The following AP3S2 variants were observed in gnomAD, a reference collection of about 807,000 sequenced individuals.
AP3S2 encodes the protein AP-3 complex subunit sigma-2.
A neutral mutation model predicts 23.4 loss-of-function variants in AP3S2; 22 were observed. The observed-to-expected ratio is 0.94, with a 90% confidence interval of 0.67 to 1.34. The LOEUF (loss-of-function observed/expected upper bound fraction) is 1.34. Ranked by LOEUF, AP3S2 falls within the 40% of genes most tolerant of loss-of-function variation. The pLI is 0.00. For synonymous variants in AP3S2, 86 were observed against 87.1 expected (o/e 0.99, Z 0.07); for missense variants, 241 against 236.9 (o/e 1.02, Z -0.11).
At chr15:89,862,350 C>T (rs1896025522) in intron 4 of AP3S2, among the ~76,000 whole-genome samples, 1 of 152,086 alleles carries the variant, frequency 6.6e-6, no homozygotes, top group Admixed American at 6.5e-5. Context: ...AATTTCCCAA[C>T]TATGTTAATT....
At chr15:89,872,620 C>T (rs1431905315) in intron 3 of AP3S2, among the ~76,000 whole-genome samples, 2 of 152,142 alleles carry the variant, frequency 1.3e-5, no homozygotes, top group Non-Finnish European at 2.9e-5. Flanking sequence ...ATGGGTCTTA[C>T]TTGAGGCCAG....
At chr15:89,886,489 A>G (rs1488747199) in intron 3 of AP3S2, 1 of 152,150 alleles carries the variant, frequency 6.6e-6, no homozygotes, top group Non-Finnish European at 1.5e-5. Flanking sequence ...ATTTTTTATA[A>G]TATGGAATGC....
intron 4 of AP3S2, among the ~76,000 whole-genome samples, chr15:89,858,969 C>T (rs1434337226): frequency 6.6e-6 from 1 of 152,116 alleles, no homozygotes; most frequent in African/African-American, 2.4e-5. Flanking sequence ...GTGTATATGG[C>T]AGCAGATATT....
chr15:89,891,303 G>A (rs911719404), intron 1 of AP3S2, among the ~76,000 whole-genome samples: 4 of 152,086 alleles, frequency 2.6e-5, no homozygotes, highest in African/African-American at 4.8e-5. Flanking sequence ...AAAGATACAC[G>A]AATGGGCAAT....
Position 89,887,698 on chromosome 15 carries a change from TCTCA to T in AP3S2, c.273+819_273+822del, listed in dbSNP as rs201728125. The stretch of plus-strand genomic sequence containing the variant: ...AATTTATTATTTTTTTGAGACGGAG[TCTCA>T]CTCTGTTGCCCAGGCTGGAGTGCAG... On this transcript the variant is annotated intron_variant, in intron 3 of 5. Coordinates refer to ENST00000336418, the MANE Select transcript of AP3S2 (RefSeq NM_005829.5). Among the ~76,000 whole-genome samples the T allele has an allele frequency of 7.9e-3, 1,202 of 152,008 alleles. 25 individuals are homozygous for T. Among genetic ancestry groups the T allele is most frequent in the Admixed American group, 0.048 (728 of 15,256 alleles).
chr15:89,854,634 G>A (rs1275234039), intron 4 of AP3S2, among the ~76,000 whole-genome samples: 4 of 40,974 alleles, frequency 9.8e-5, no homozygotes, highest in Admixed American at 2.1e-4. Context: ...GCCTCTGCCC[G>A]GCCGCCCCTA....
intron 3 of AP3S2, among the ~76,000 whole-genome samples, chr15:89,879,850 G>T (rs1896529571): frequency 6.6e-6 from 1 of 151,934 alleles, no homozygotes; most frequent in Non-Finnish European, 1.5e-5. Flanking sequence ...TCAAAGTTAG[G>T]TTGCAGTGAG....
At chr15:89,877,346 C>T (rs1896466563) in intron 3 of AP3S2, 1 of 1,301,696 alleles carries the variant, frequency 7.7e-7, no homozygotes, top group Non-Finnish European at 1.0e-6. Context: ...GTTCTGATGT[C>T]AGGTCCTTGT....
In AP3S2 at chr15:89,837,560, C is replaced by T. The variant is rs569926519; in HGVS notation, c.453+55G>A. The T allele has an allele frequency of 5.6e-6, 9 of 1,605,844 alleles. No homozygotes were observed. The South Asian group carries it at 9.9e-5, about 18-fold the overall frequency. On this transcript the variant is annotated intron_variant, in intron 5 of 5. Coordinates refer to ENST00000336418, the MANE Select transcript of AP3S2 (RefSeq NM_005829.5). ...AAACCAACACATGTACACACTCCTG[C>T]CTCTGCCCAGGTTTTCTCTACCCAG...
At chr15:89,887,912 C>A (rs1295444718) in intron 3 of AP3S2, among the ~76,000 whole-genome samples, 2 of 152,250 alleles carry the variant, frequency 1.3e-5, no homozygotes, top group Non-Finnish European at 2.9e-5. Context: ...CTCAAGTGAT[C>A]CGCCCGCCTT....
intron 3 of AP3S2, among the ~76,000 whole-genome samples, chr15:89,880,007 G>A (rs1182036753): frequency 1.4e-5 from 2 of 145,602 alleles, no homozygotes; most frequent in Non-Finnish European, 3.0e-5. Context: ...GTTGCCCAGT[G>A]TGCAGTGGCA....
intron 4 of AP3S2, among the ~76,000 whole-genome samples, chr15:89,858,902 G>C (rs992085935): frequency 2.0e-5 from 3 of 152,000 alleles, no homozygotes; most frequent in Admixed American, 1.3e-4. Context: ...TGAAGCAGCA[G>C]GTAATCAATG....
At chr15:89,877,280 T>C (rs746956589) in intron 3 of AP3S2, 1 of 1,303,698 alleles carries the variant, frequency 7.7e-7, no homozygotes, top group Non-Finnish European at 1.0e-6. Flanking sequence ...ACGTGAGAAA[T>C]GGATGCAGTT....
intron 4 of AP3S2, chr15:89,852,648 C>A (rs1895687199): frequency 6.6e-6 from 1 of 152,182 alleles, no homozygotes; most frequent in South Asian, 2.1e-4. Flanking sequence ...ACCACATAGG[C>A]AGGCAGATAA....
chr15:89,835,465 G>C lies in AP3S2; in HGVS notation c.*50C>G, dbSNP rs1490997764. ...TTCTGTTTCCAGACGTGCTTGCCTT[G>C]CTTGTCTTTGCTTGTCTTAAGGACT... is the stretch of plus-strand genomic sequence containing the variant. On this transcript the variant is annotated 3_prime_UTR_variant, in exon 6 of 6. Coordinates refer to ENST00000336418, the MANE Select transcript of AP3S2 (RefSeq NM_005829.5). 6.2e-7 allele frequency: 1 copy of C among 1,606,624 alleles called. No homozygotes were observed. The highest frequency in any genetic ancestry group is 8.5e-7 in the Non-Finnish European group (1 of 1,175,598).
At chr15:89,875,992 CAAAG>C (rs997043808) in intron 3 of AP3S2, among the ~76,000 whole-genome samples, 4 of 152,104 alleles carry the variant, frequency 2.6e-5, no homozygotes, top group East Asian at 1.9e-4. Flanking sequence ...GACACAAACA[CAAAG>C]AAAGCCATCA....
intron 4 of AP3S2, among the ~76,000 whole-genome samples, chr15:89,864,907 A>C (rs1896083931): frequency 6.6e-6 from 1 of 152,154 alleles, no homozygotes; most frequent in Admixed American, 6.5e-5. Context: ...GGCCCTGAAT[A>C]AACATTTCAC....
intron 4 of AP3S2, among the ~76,000 whole-genome samples, chr15:89,854,953 G>A (rs1290894745): frequency 1.4e-5 from 1 of 69,174 alleles, no homozygotes; most frequent in Non-Finnish European, 3.1e-5. Flanking sequence ...GAGGTGAGGG[G>A]CACCTCTGCC....
At chr15:89,882,366 C>A (rs1020592358) in intron 3 of AP3S2, among the ~76,000 whole-genome samples, 2 of 142,682 alleles carry the variant, frequency 1.4e-5, no homozygotes, top group African/African-American at 2.6e-5. Flanking sequence ...TTGACCTACT[C>A]TTTTTTTTTT....
Sources: gnomAD v4.1 joint callset for allele counts (sites outside exome capture counted in the v4.1 genomes callset) on GRCh38, gnomAD v4.1.1 for gene constraint, MANE v1.5 for transcripts, NCBI Gene and HGNC (gene_info 2026-07-23, HGNC 2026-07-21) for gene names.